TNRC18: variants seen among roughly 807,000 people sequenced by gnomAD.
TNRC18 encodes the protein trinucleotide repeat containing 18.
A neutral mutation model predicts 226.7 loss-of-function variants in TNRC18; 69 were observed. The observed-to-expected ratio is 0.30, with a 90% CI of 0.25 to 0.37. TNRC18 has a LOEUF of 0.37. TNRC18 is among the 10% of genes least tolerant of loss of function. The pLI, the probability that TNRC18 is intolerant of heterozygous loss-of-function variation, is 1.00. For synonymous variants in TNRC18, 2,449 were observed against 1,927.6 expected, an observed-to-expected ratio of 1.27 and a Z score of -7.09; for missense variants, 4,754 against 4,256.6, an observed-to-expected ratio of 1.12 and a Z score of -3.25.
intron 18 of TNRC18, among the ~76,000 whole-genome samples, chr7:5,344,920 T>A (rs1251812492): frequency 6.6e-6 from 1 of 151,902 alleles, no homozygotes; most frequent in Non-Finnish European, 1.5e-5. Context: ...TGGACCGGGG[T>A]AAGCGCCAGC....
chr7:5,367,542 C>T (rs559223648), intron 11 of TNRC18, among the ~76,000 whole-genome samples: 1 of 151,266 alleles, frequency 6.6e-6, no homozygotes, highest in East Asian at 2.0e-4. Flanking sequence ...ATTTTCCTGC[C>T]TCAGCCTCCC....
rs762353921 is a variant in TNRC18 at position 5,359,586 on chromosome 7, C to T, written c.4662-17G>A. ...CTGCTCAGCCTGAAACGCAGACACA[C>T]TGCCGGTCAGCACCCTGGCCAGACA... On this transcript the variant is annotated splice_polypyrimidine_tract_variant and intron_variant, in intron 14 of 29. Coordinates refer to ENST00000430969, the MANE Select transcript of TNRC18 (RefSeq NM_001080495.3). The T allele has an allele frequency of 1.2e-6, 2 of 1,613,084 alleles. No homozygotes were observed. Among genetic ancestry groups the T allele is most frequent in the Admixed American group, 1.7e-5 (1 of 60,016 alleles).
chr7:5,390,094 T>A, intron 4 of TNRC18: 1 of 354,030 alleles, frequency 2.8e-6, no homozygotes, highest in South Asian at 1.1e-4. Context: ...TAGGCCACAA[T>A]GGCTCACATC....
intron 3 of TNRC18, among the ~76,000 whole-genome samples, chr7:5,392,569 G>A (rs537776534): frequency 2.3e-4 from 35 of 152,198 alleles, no homozygotes; most frequent in Non-Finnish European, 4.7e-4. Context: ...AGCCAAGATT[G>A]TGCCACTATA....
In TNRC18 at chr7:5,376,860, G is replaced by C. The variant is rs1427682544; in HGVS notation, c.2595C>G (p.His865Gln). ...AGGTCCACTTACCAAAGTGAGGAAGGTGATCACTGGGAATGACCACCAGCT... is the reference window on the plus strand; with the variant it reads ...AGGTCCACTTACCAAAGTGAGGAAGCTGATCACTGGGAATGACCACCAGCT... Reference protein sequence around the residue: ...SGQLVVIPSDHLPHFAELMER... With the variant: ...SGQLVVIPSDQLPHFAELMER... Residue 865 changes from histidine to glutamine, a missense_variant, in exon 8 of 30, where the codon CAC (histidine) becomes CAG (glutamine). Transcript: ENST00000430969. 1.2e-6 allele frequency: 2 copies of C among 1,611,712 alleles called. No homozygotes were observed. The highest frequency in any genetic ancestry group is 2.2e-5 in the South Asian group (2 of 90,564).
chr7:5,339,184 G>A (rs1229695553), intron 18 of TNRC18, among the ~76,000 whole-genome samples: 1 of 150,410 alleles, frequency 6.6e-6, no homozygotes, highest in Non-Finnish European at 1.5e-5. Flanking sequence ...CATATAAGAT[G>A]GGAAACTTCA....
At position 5,309,228 on chromosome 7, in the gene TNRC18, G is replaced by A. The variant is rs776844550; in HGVS notation, c.8529C>T (p.Ser2843=). Residue 2843 remains serine (S), a synonymous_variant, in exon 28 of 30, where the codon AGC becomes AGT. Coordinates refer to ENST00000430969, the MANE Select transcript of TNRC18 (RefSeq NM_001080495.3). This position sits in a 1 kb window ranked among gnomAD's most constrained non-coding sequence, Gnocchi z 5.7. ...PNLPYIGRIQ[S]MWESWGNNMV... is the part of the protein sequence containing the mutation. ...TGTTGTTGCCCCACGACTCCCACAT[G>A]CTCTGGATGCGGCCGATGTAGGGCA... is the stretch of plus-strand genomic sequence containing the variant. The A allele has an allele frequency of 1.9e-6, 3 of 1,613,702 alleles. No homozygotes were observed. Among genetic ancestry groups the A allele is most frequent in the African/African-American group, 2.7e-5 (2 of 74,944 alleles).
Position 5,376,240 on chromosome 7 carries a change from C to G in TNRC18, c.2609-16G>C. 6.8e-7 allele frequency: 1 copy of G among 1,467,786 alleles called. No homozygotes were observed. The highest frequency in any genetic ancestry group is 9.0e-7 in the Non-Finnish European group (1 of 1,114,344). The allele number at this position is 1,467,786 out of a possible 1,614,324, so 90.9% of individuals were successfully genotyped here. The stretch of plus-strand genomic sequence containing the variant: ...ATCAGCTCCGCTGCAGGGACAGAGA[C>G]AGTGCGCTGCACCTGCGGCCTGATG... On this transcript the variant is annotated splice_polypyrimidine_tract_variant and intron_variant, in intron 8 of 29. Coordinates refer to ENST00000430969, the MANE Select transcript of TNRC18 (RefSeq NM_001080495.3).
rs745385226 is a variant in TNRC18, at chr7:5,351,843, A to T, written c.5446T>A (p.Ser1816Thr). The T allele has an allele frequency of 6.2e-7, 1 of 1,600,808 alleles. No homozygotes were observed. Among genetic ancestry groups the T allele is most frequent in the Non-Finnish European group, 8.5e-7 (1 of 1,174,668 alleles). The change falls in exon 17 of 30, where the codon TCT becomes ACT. Residue 1816 changes from serine to threonine, a missense_variant. Coordinates refer to ENST00000430969, the MANE Select transcript of TNRC18 (RefSeq NM_001080495.3). ...CCTTGGTCAAACGATTCCTCCGAAG[A>T]GTCGCTGAAGGAGGAACGCGCCTCG... Reference protein sequence around the residue: ...EAEARSSFSDSSEESFDQDES... With the variant: ...EAEARSSFSDTSEESFDQDES...
In TNRC18 at chr7:5,307,993, C is replaced by A; in HGVS notation, c.*113G>T. On this transcript the variant is annotated 3_prime_UTR_variant, in exon 30 of 30. Transcript: ENST00000430969. ...GTGCACACCTGGCCCCATGCACACG[C>A]CTGCAGGAGCGCTCGCATGCACACA... The A allele has an allele frequency of 2.0e-6, 2 of 997,444 alleles. No individual in the cohort carries two copies. Among genetic ancestry groups the A allele is most frequent in the Non-Finnish European group, 2.9e-6 (2 of 679,498 alleles). 61.8% of individuals were successfully genotyped at this position (997,444 alleles called of 1,614,324 possible).
chr7:5,376,361 TC>T (rs1794678210), intron 8 of TNRC18, 137 bp from the exon 9 acceptor site: 1 of 791,996 alleles, frequency 1.3e-6, no homozygotes, highest in Non-Finnish European at 1.9e-6. Context: ...CCCCGGCTGC[TC>T]CCCAGGGGCC....
At chr7:5,409,023 A>G (rs1019639121) in intron 2 of TNRC18, among the ~76,000 whole-genome samples, 1 of 152,212 alleles carries the variant, frequency 6.6e-6, no homozygotes, top group African/African-American at 2.4e-5. Flanking sequence ...TTCAACGTCA[A>G]CAGACAAGAA....
intron 27 of TNRC18, among the ~76,000 whole-genome samples, chr7:5,310,185 G>C (rs1787032933): frequency 6.6e-6 from 1 of 152,054 alleles, no homozygotes; most frequent in South Asian, 2.1e-4. Context: ...TTACAGGCGT[G>C]AGCTACCACA....
rs1780559675 is a variant in TNRC18 at position 5,394,848 on chromosome 7, C to T, written c.188-253G>A. ...GGCAGGAAGCCCCCCACAGCAGACC[C>T]TCAGCCCTGGGCACCCCGCACCCTC... On this transcript the variant is annotated intron_variant, in intron 2 of 29. Transcript: ENST00000430969. The surrounding 1 kb of genome is among the most constrained non-coding windows in gnomAD (Gnocchi z 4.5). Among the ~76,000 whole-genome samples, 1 of 152,086 alleles carries T rather than the reference C, an allele frequency of 6.6e-6. No individual in the cohort carries two copies. The highest frequency in any genetic ancestry group is 1.5e-5 in the Non-Finnish European group (1 of 67,992).
rs1334441738 is a variant in TNRC18 at position 5,388,615 on chromosome 7, C to G, written c.1209G>C (p.Glu403Asp). The change falls in exon 5 of 30, where the codon GAG becomes GAC. Residue 403 changes from glutamate to aspartate, a missense_variant. Coordinates refer to ENST00000430969, the MANE Select transcript of TNRC18 (RefSeq NM_001080495.3). ...QARDARARER[E>D]AGRPGVLQAP... ...CCTGCAGGACCCCTGGCCTGCCAGC[C>G]TCGCGCTCGCGGGCCCGGGCATCGC... 1 of 1,287,402 alleles carries G rather than the reference C, an allele frequency of 7.8e-7. No homozygotes were observed. Among genetic ancestry groups the G allele is most frequent in the Non-Finnish European group, 9.8e-7 (1 of 1,016,960 alleles). 79.7% of individuals were successfully genotyped at this position (1,287,402 alleles called of 1,614,324 possible).
chr7:5,373,636 C>A (rs1329317182), intron 10 of TNRC18, among the ~76,000 whole-genome samples: 3 of 152,286 alleles, frequency 2.0e-5, no homozygotes, highest in African/African-American at 4.8e-5. Context: ...GCTGCAGGTC[C>A]CCTCTGATGC....
chr7:5,374,208 T>TTGGGGGGG lies in TNRC18; in HGVS notation c.3075_3076insCCCCCCCA (p.Thr1026ProfsTer136). 2 of 675,316 alleles carry TTGGGGGGG rather than the reference T, an allele frequency of 3.0e-6. No individual in the cohort carries two copies. Among genetic ancestry groups the TTGGGGGGG allele is most frequent in the Non-Finnish European group, 3.5e-6 (2 of 570,774 alleles). The allele number at this position is 675,316 out of a possible 1,614,324, so 41.8% of individuals were successfully genotyped here. The stretch of plus-strand genomic sequence containing the variant: ...GGGCTGGTGGGGTGGGAGCTGGGGG[T>TTGGGGGGG]GGCGGGGTAGGCGTAGGCGGGTGGC... On this transcript the variant is annotated frameshift_variant, in exon 10 of 30. Coordinates refer to ENST00000430969, the MANE Select transcript of TNRC18 (RefSeq NM_001080495.3). LOFTEE classifies it high-confidence loss of function.
chr7:5,342,241 C>A (rs1010987810), intron 18 of TNRC18, among the ~76,000 whole-genome samples: 10 of 152,072 alleles, frequency 6.6e-5, no homozygotes, highest in African/African-American at 2.4e-4. Context: ...CCAGTCTGGC[C>A]GACATGGCGA....
chr7:5,340,617 C>T (rs1483165847), intron 18 of TNRC18, among the ~76,000 whole-genome samples: 1 of 149,980 alleles, frequency 6.7e-6, no homozygotes, highest in African/African-American at 2.4e-5. Flanking sequence ...GTGGCGGGTG[C>T]CTGTAATCCC....
Sources: allele counts gnomAD v4.1 joint callset (sites outside exome capture counted in the v4.1 genomes callset), GRCh38; gene constraint gnomAD v4.1.1; non-coding constraint Gnocchi (gnomAD v3.1); transcripts MANE v1.5; gene names NCBI Gene and HGNC (gene_info 2026-07-23, HGNC 2026-07-21).